Variants in KSR2 observed in about 807,000 individuals in gnomAD.
KSR2 encodes the protein kinase suppressor of ras 2.
KSR2 carries 25 observed loss-of-function variants against 107.8 expected under a neutral mutation model. The ratio of observed to expected loss-of-function variants is 0.23; its 90% CI spans 0.17 to 0.32. KSR2 has a LOEUF of 0.32. Among genes scored for constraint, KSR2 ranks in the 10% least tolerant of loss-of-function variants. KSR2 has a pLI of 1.00. For missense variants in KSR2, 887 were observed against 1,268.9 expected, an observed-to-expected ratio of 0.70 and a Z score of 4.57; for synonymous variants, 480 against 507.0, an observed-to-expected ratio of 0.95 and a Z score of 0.71.
At chr12:117,812,206 G>C (rs1362179955) in intron 3 of KSR2, among the ~76,000 whole-genome samples, 2 of 152,140 alleles carry the variant, frequency 1.3e-5, no homozygotes, top group African/African-American at 4.8e-5. Context: ...ACCAAATTGA[G>C]ATGGGCTGTA....
intron 1 of KSR2, among the ~76,000 whole-genome samples, chr12:117,911,172 T>TCACA (rs768814470): frequency 1.3e-3 from 185 of 137,646 alleles, no homozygotes; most frequent in African/African-American, 4.5e-3. Context: ...TCTCTCTCTC[T>TCACA]CTCACACACA....
chr12:117,842,362 C>A lies in KSR2; in HGVS notation c.472+13066G>T, dbSNP rs1240338043. Among the ~76,000 whole-genome samples the A allele has an allele frequency of 6.6e-6, 1 of 152,106 alleles. No homozygotes were observed. Among genetic ancestry groups the A allele is most frequent in the African/African-American group, 2.4e-5 (1 of 41,414 alleles). ...GAAGATTGAGGCAGGGTATTCCAGGCAGAAAGAAGGGCTGTGCAAAGGCCC... is the reference window on the plus strand; with the variant it reads ...GAAGATTGAGGCAGGGTATTCCAGGAAGAAAGAAGGGCTGTGCAAAGGCCC... On this transcript the variant is annotated intron_variant, in intron 3 of 19. Coordinates refer to ENST00000339824, the MANE Select transcript of KSR2 (RefSeq NM_173598.6). The surrounding 1 kb of genome is among the most constrained non-coding windows in gnomAD (Gnocchi z 4.2).
chr12:117,568,555 G>A (rs535954679), intron 7 of KSR2, among the ~76,000 whole-genome samples: 7 of 152,252 alleles, frequency 4.6e-5, no homozygotes, highest in East Asian at 3.9e-4. Context: ...GTGACACTTC[G>A]AGCCGGCTGT....
intron 9 of KSR2, among the ~76,000 whole-genome samples, chr12:117,550,183 A>C (rs1217633006): frequency 1.3e-5 from 2 of 152,200 alleles, no homozygotes; most frequent in African/African-American, 4.8e-5. Flanking sequence ...GTAAGGTGAG[A>C]GGAATGGCCT....
intron 17 of KSR2, among the ~76,000 whole-genome samples, chr12:117,471,828 A>G (rs191300344): frequency 2.0e-5 from 3 of 152,310 alleles, no homozygotes; most frequent in Admixed American, 2.0e-4. Flanking sequence ...TAGGTAAAAA[A>G]AAGCAGGATA....
intron 1 of KSR2, among the ~76,000 whole-genome samples, chr12:117,877,782 T>C (rs1727075188): frequency 6.6e-6 from 1 of 152,206 alleles, no homozygotes; most frequent in South Asian, 2.1e-4. Context: ...TGTAGCAAGA[T>C]CACCTGGGGA....
intron 1 of KSR2, among the ~76,000 whole-genome samples, chr12:117,888,981 T>C (rs1894259920): frequency 6.6e-6 from 1 of 152,162 alleles, no homozygotes; most frequent in Non-Finnish European, 1.5e-5. Context: ...GTAAACATTA[T>C]GTTACGTATA....
At chr12:117,625,339 T>G (rs1882418709) in intron 5 of KSR2, among the ~76,000 whole-genome samples, 1 of 152,208 alleles carries the variant, frequency 6.6e-6, no homozygotes, top group Non-Finnish European at 1.5e-5. Flanking sequence ...GGCTGTGGGT[T>G]TGTCATAAAT....
intron 3 of KSR2, among the ~76,000 whole-genome samples, chr12:117,774,845 C>A (rs1411531712): frequency 1.3e-5 from 2 of 152,188 alleles, no homozygotes; most frequent in African/African-American, 2.4e-5. Flanking sequence ...CAGCCCCTGG[C>A]AAGCCCTAAA....
intron 5 of KSR2, among the ~76,000 whole-genome samples, chr12:117,624,644 G>A (rs1023677174): frequency 2.0e-5 from 3 of 152,170 alleles, no homozygotes; most frequent in Non-Finnish European, 4.4e-5. Flanking sequence ...AAGTCAGGTA[G>A]CGTGATGCCT....
At chr12:117,505,408 A>C (rs566302849) in intron 14 of KSR2, among the ~76,000 whole-genome samples, 4 of 152,038 alleles carry the variant, frequency 2.6e-5, no homozygotes, top group African/African-American at 9.7e-5. Flanking sequence ...TTTTGTTTTC[A>C]TGCCCTTTTA....
intron 4 of KSR2, among the ~76,000 whole-genome samples, chr12:117,716,883 G>A (rs1439689754): frequency 4.6e-5 from 7 of 152,202 alleles, no homozygotes; most frequent in Admixed American, 1.3e-4. Flanking sequence ...TCTGTAATGA[G>A]ATTTTCTGGC....
intron 5 of KSR2, among the ~76,000 whole-genome samples, chr12:117,586,280 AG>A (rs139088051): frequency 0.19 from 29,190 of 151,884 alleles, 3,215 homozygotes; most frequent in African/African-American, 0.28. Flanking sequence ...AGAAGAAAGA[AG>A]AAAATAAGAA....
Position 117,702,387 on chromosome 12 carries a change from C to A in KSR2, c.987-34729G>T, listed in dbSNP as rs543019103. ...CTATCACCGAGCTATCTACACAGCA[C>A]CTGATGTGTAATAGACACCTAAATA... is the stretch of plus-strand genomic sequence containing the variant. On this transcript the variant is annotated intron_variant, in intron 4 of 19. Coordinates refer to ENST00000339824, the MANE Select transcript of KSR2 (RefSeq NM_173598.6). Among the ~76,000 whole-genome samples, 22 of 152,262 alleles carry A rather than the reference C, an allele frequency of 1.4e-4. No individual in the cohort carries two copies. In the South Asian group the frequency reaches 3.1e-3, roughly 21 times the overall value.
At chr12:117,518,876 C>T (rs1363394305) in intron 14 of KSR2, among the ~76,000 whole-genome samples, 1 of 152,236 alleles carries the variant, frequency 6.6e-6, no homozygotes, top group Non-Finnish European at 1.5e-5. Flanking sequence ...GTCACTTCCC[C>T]TATGAAGCCC....
intron 3 of KSR2, among the ~76,000 whole-genome samples, chr12:117,853,569 TG>T (rs995792285): frequency 2.6e-5 from 4 of 152,034 alleles, no homozygotes; most frequent in African/African-American, 9.7e-5. Context: ...CTCAAACTCC[TG>T]GGTTCAAGCA....
At chr12:117,738,933 G>A (rs1888053935) in intron 4 of KSR2, among the ~76,000 whole-genome samples, 1 of 152,190 alleles carries the variant, frequency 6.6e-6, no homozygotes, top group African/African-American at 2.4e-5. Flanking sequence ...TGAGCTTGCA[G>A]GACTGGCAGC....
At chr12:117,892,229 G>A (rs559626111) in intron 1 of KSR2, among the ~76,000 whole-genome samples, 13 of 152,012 alleles carry the variant, frequency 8.6e-5, no homozygotes, top group Non-Finnish European at 1.6e-4. Context: ...ACTTGAACCC[G>A]GGAGGCAGAG....
intron 1 of KSR2, among the ~76,000 whole-genome samples, chr12:117,917,493 T>A (rs1895215051): frequency 6.6e-6 from 1 of 152,124 alleles, no homozygotes; most frequent in Admixed American, 6.5e-5. Flanking sequence ...AGTGATCATG[T>A]CACTGCACTC....
Sources: gnomAD v4.1 joint callset for allele counts (sites outside exome capture counted in the v4.1 genomes callset) on GRCh38, gnomAD v4.1.1 for gene constraint, Gnocchi (gnomAD v3.1) non-coding constraint, MANE v1.5 for transcripts, NCBI Gene and HGNC (gene_info 2026-07-23, HGNC 2026-07-21) for gene names.